Variants in CCDC170 observed in about 807,000 individuals in gnomAD.
CCDC170 encodes the protein coiled-coil domain-containing protein 170.
CCDC170 carries 69 observed loss-of-function variants against 72.6 expected under a neutral mutation model. The ratio of observed to expected loss-of-function variants is 0.95; its 90% CI spans 0.78 to 1.16. The LOEUF (loss-of-function observed/expected upper bound fraction) is 1.16, where lower values mean the gene tolerates loss of function less well. Ranked by LOEUF, CCDC170 falls within the 50% of genes most tolerant of loss-of-function variation. CCDC170 has a pLI of 0.00. For missense variants in CCDC170, 852 were observed against 832.5 expected (o/e 1.02, Z -0.29); for synonymous variants, 300 against 303.9 (o/e 0.99, Z 0.13).
chr6:151,565,223 G>C (rs771097633), intron 5 of CCDC170, among the ~76,000 whole-genome samples: 26 of 152,182 alleles, frequency 1.7e-4, no homozygotes, highest in Non-Finnish European at 3.2e-4. Flanking sequence ...CCAAGGCAGG[G>C]TGATGTCTGG....
chr6:151,525,893 A>G (rs1254104266), intron 1 of CCDC170, among the ~76,000 whole-genome samples: 1 of 152,216 alleles, frequency 6.6e-6, no homozygotes, highest in African/African-American at 2.4e-5. Context: ...GGGACATTTT[A>G]TATGTCCCTT....
At chr6:151,555,914 G>T (rs7754143) in intron 5 of CCDC170, among the ~76,000 whole-genome samples, 11,574 of 152,176 alleles carry the variant, frequency 0.076, 1,300 homozygotes, top group African/African-American at 0.25. Flanking sequence ...GAATTAAAAT[G>T]AAAACAAACA....
chr6:151,551,992 A>G (rs1782885620), intron 5 of CCDC170, among the ~76,000 whole-genome samples: 1 of 147,900 alleles, frequency 6.8e-6, no homozygotes. Flanking sequence ...GAACCTACCT[A>G]GGTTAATTCA....
At chr6:151,544,286 T>C (rs1174090232) in intron 3 of CCDC170, among the ~76,000 whole-genome samples, 1 of 152,168 alleles carries the variant, frequency 6.6e-6, no homozygotes, top group Non-Finnish European at 1.5e-5. Context: ...CCTAAAGGGT[T>C]GAGGCTAGGG....
chr6:151,544,842 A>C, intron 4 of CCDC170, 126 bp downstream of exon 4: 1 of 827,534 alleles, frequency 1.2e-6, no homozygotes, highest in Non-Finnish European at 1.8e-6. Flanking sequence ...GTGTAGTATT[A>C]ATTAACTGTA....
chr6:151,580,015 C>T (rs886520867), intron 6 of CCDC170, among the ~76,000 whole-genome samples: 5 of 152,172 alleles, frequency 3.3e-5, no homozygotes, highest in Admixed American at 6.5e-5. Flanking sequence ...CTCTGGTCTA[C>T]GTCAGATGCT....
chr6:151,511,551 T>C (rs779155266), intron 1 of CCDC170, among the ~76,000 whole-genome samples: 1 of 152,208 alleles, frequency 6.6e-6, no homozygotes, highest in East Asian at 1.9e-4. Context: ...GATAAAAATA[T>C]AATTGATTTC....
At position 151,615,596 on chromosome 6, in the gene CCDC170, G is replaced by A; in HGVS notation, c.1864G>A (p.Ala622Thr). ...TGAGGCTAAGGAGAATAAAGAAAGG[G>A]CCAGAAACATGATAGAAGTGGTAAC... is the stretch of plus-strand genomic sequence containing the variant. ...EHEAKENKERARNMIEVVTSE... is the reference protein window; with the variant it reads ...EHEAKENKERTRNMIEVVTSE... Residue 622 changes from alanine (A) to threonine (T), a missense_variant, in exon 10 of 11, where the codon GCC becomes ACC. Ala to Thr is a moderately conservative substitution (Grantham distance 58). Coordinates refer to ENST00000239374, the MANE Select transcript of CCDC170 (RefSeq NM_025059.4). The A allele has an allele frequency of 6.2e-7, 1 of 1,614,080 alleles. No homozygotes were observed. Among genetic ancestry groups the A allele is most frequent in the Non-Finnish European group, 8.5e-7 (1 of 1,179,998 alleles).
Position 151,518,078 on chromosome 6 carries a change from G to A in CCDC170, c.58-18240G>A, listed in dbSNP as rs115426682. ...GGTGGGGCCTTGCCTTCAGTTTATG[G>A]TCCTGCCATGGTACAGGAGAAGCAT... On this transcript the variant is annotated intron_variant, in intron 1 of 10. Coordinates refer to ENST00000239374, the MANE Select transcript of CCDC170 (RefSeq NM_025059.4). 4.4e-3 allele frequency among the ~76,000 whole-genome samples: 671 copies of A among 152,234 alleles called. 7 individuals are homozygous for A. The highest frequency in any genetic ancestry group is 0.016 in the African/African-American group (654 of 41,532).
chr6:151,608,413 A>C (rs1344501734), intron 9 of CCDC170, among the ~76,000 whole-genome samples: 1 of 152,168 alleles, frequency 6.6e-6, no homozygotes, highest in Non-Finnish European at 1.5e-5. Flanking sequence ...GTATCTGTAC[A>C]TCTGTTGAAA....
chr6:151,596,188 T>C (rs949541113), intron 8 of CCDC170, 147 bp from the exon 9 acceptor site: 15 of 997,190 alleles, frequency 1.5e-5, no homozygotes, highest in Non-Finnish European at 2.1e-5. Context: ...AAAAATGCAA[T>C]CAGGAAAAGG....
chr6:151,571,093 T>C (rs1447921598), intron 5 of CCDC170, among the ~76,000 whole-genome samples: 4 of 152,232 alleles, frequency 2.6e-5, no homozygotes, highest in Non-Finnish European at 4.4e-5. Flanking sequence ...TAAGATGTTA[T>C]GTTTCCTATA....
intron 9 of CCDC170, among the ~76,000 whole-genome samples, chr6:151,600,785 T>G (rs1776694253): frequency 6.6e-6 from 1 of 152,024 alleles, no homozygotes; most frequent in Non-Finnish European, 1.5e-5. Flanking sequence ...AATTGAATGG[T>G]TTTTAGTATA....
intron 7 of CCDC170, among the ~76,000 whole-genome samples, chr6:151,586,886 A>C (rs1694906887): frequency 6.6e-6 from 1 of 151,784 alleles, no homozygotes; most frequent in African/African-American, 2.4e-5. Context: ...CTGGGTTCAC[A>C]CCATTCTCCT....
chr6:151,598,521 C>T (rs910721522), intron 9 of CCDC170, among the ~76,000 whole-genome samples: 1 of 152,154 alleles, frequency 6.6e-6, no homozygotes, highest in Non-Finnish European at 1.5e-5. Context: ...TACAGCCGAG[C>T]CTTGAATTAG....
chr6:151,620,173 G>A lies in CCDC170; in HGVS notation c.*2026G>A, dbSNP rs1224141417. The A allele has an allele frequency of 1.9e-5, 2 of 105,352 alleles. No homozygotes were observed. Among genetic ancestry groups the A allele is most frequent in the African/African-American group, 7.7e-5 (2 of 26,086 alleles). The allele number at this position is 105,352 out of a possible 1,614,324, so 6.5% of individuals were successfully genotyped here. Reference sequence around the variant, plus strand: ...TCTTTTAGGAAAACTACCAATAAATGTAGAATGGATGATTCCAAAAAAAAA... The same window carrying A: ...TCTTTTAGGAAAACTACCAATAAATATAGAATGGATGATTCCAAAAAAAAA... On this transcript the variant is annotated 3_prime_UTR_variant, in exon 11 of 11. Transcript: ENST00000239374.
intron 1 of CCDC170, among the ~76,000 whole-genome samples, chr6:151,530,532 C>T (rs947789659): frequency 6.6e-6 from 1 of 151,748 alleles, no homozygotes; most frequent in African/African-American, 2.4e-5. Context: ...ACCTCTGCCT[C>T]CTGAGTTCAA....
rs192533617 is a variant in CCDC170 at position 151,608,316 on chromosome 6, C to T, written c.1711-7127C>T. Among the ~76,000 whole-genome samples, 499 of 152,098 alleles carry T rather than the reference C, an allele frequency of 3.3e-3. 8 individuals are homozygous for T. Among genetic ancestry groups the T allele is most frequent in the Non-Finnish European group, 2.3e-3 (157 of 67,982 alleles). The stretch of plus-strand genomic sequence containing the variant: ...CTTTGTCAAGCATTTCATAGAGGTC[C>T]TTTTCTTTGGGATTTGTTACTGAAG... On this transcript the variant is annotated intron_variant, in intron 9 of 10. Transcript: ENST00000239374.
chr6:151,604,159 A>G (rs1776750077), intron 9 of CCDC170, among the ~76,000 whole-genome samples: 1 of 152,184 alleles, frequency 6.6e-6, no homozygotes, highest in Non-Finnish European at 1.5e-5. Context: ...GTTCTCTCCC[A>G]CTTTCTAACT....
Sources: gnomAD v4.1 joint callset for allele counts (sites outside exome capture counted in the v4.1 genomes callset) on GRCh38, gnomAD v4.1.1 for gene constraint, MANE v1.5 for transcripts, NCBI Gene and HGNC (gene_info 2026-07-23, HGNC 2026-07-21) for gene names.